The following PLEKHG4 variants were observed in gnomAD, a reference collection of about 807,000 sequenced individuals.
PLEKHG4 encodes pleckstrin homology and RhoGEF domain containing G4, also known as puratrophin-1.
PLEKHG4 carries 85 observed loss-of-function variants against 136.9 expected under a neutral mutation model. That is an observed-to-expected ratio of 0.62 (90% CI 0.52 to 0.74). The LOEUF (loss-of-function observed/expected upper bound fraction) is 0.74. Ranked by LOEUF, PLEKHG4 falls within the 30% of genes least tolerant of loss-of-function variation. The pLI, the probability that PLEKHG4 is intolerant of heterozygous loss-of-function variation, is 0.00. For synonymous variants in PLEKHG4, 577 were observed against 646.9 expected (o/e 0.89, Z 1.64); for missense variants, 1,317 against 1,527.8 (o/e 0.86, Z 2.30).
Position 67,286,565 on chromosome 16 carries a change from A to G in PLEKHG4, c.2653A>G (p.Thr885Ala), listed in dbSNP as rs376441239. 5 of 1,563,742 alleles carry G rather than the reference A, an allele frequency of 3.2e-6. No homozygotes were observed. The highest frequency in any genetic ancestry group is 4.3e-6 in the Non-Finnish European group (5 of 1,153,184). The change falls in exon 16 of 22, where the codon ACG becomes GCG. Residue 885 changes from threonine to alanine, a missense_variant. By Grantham distance (58) the Thr-to-Ala change is moderately conservative. Transcript: ENST00000379344. ...QELARACGGP[T>A]QELSALREAQ... Reference sequence around the variant, plus strand: ...GCTGGCACGGGCCTGCGGGGGCCCCACGCAGGAGCTCAGTGCGCTGCGGGA... The same window carrying G: ...GCTGGCACGGGCCTGCGGGGGCCCCGCGCAGGAGCTCAGTGCGCTGCGGGA...
At position 67,284,312 on chromosome 16, in the gene PLEKHG4, T is replaced by C; in HGVS notation, c.1547T>C (p.Leu516Pro). 2 of 1,613,982 alleles carry C rather than the reference T, an allele frequency of 1.2e-6. No homozygotes were observed. Among genetic ancestry groups the C allele is most frequent in the South Asian group, 1.1e-5 (1 of 91,068 alleles). ...CAAGGGGAGAAGTTTCTGCAGCCGCTGACTGGCTGGGAGGCGGCTGAACTG... is the reference window on the plus strand; with the variant it reads ...CAAGGGGAGAAGTTTCTGCAGCCGCCGACTGGCTGGGAGGCGGCTGAACTG... Reference protein sequence around the residue: ...VRQGEKFLQPLTGWEAAELDP... With the variant: ...VRQGEKFLQPPTGWEAAELDP... The change falls in exon 12 of 22, where the codon CTG becomes CCG. Residue 516 changes from leucine to proline, a missense_variant. Transcript: ENST00000379344. This position sits in a 1 kb window ranked among gnomAD's most constrained non-coding sequence, Gnocchi z 4.4.
At chr16:67,281,688 C>A in intron 6 of PLEKHG4, 36 bp from the exon 7 acceptor site, 1 of 1,613,284 alleles carries the variant, frequency 6.2e-7, no homozygotes, top group Non-Finnish European at 8.5e-7. Flanking sequence ...GGTGCCTCCC[C>A]CCAGGCCTGG....
In PLEKHG4 at chr16:67,282,080, G is replaced by A; in HGVS notation, c.1077G>A (p.Lys359=). The A allele has an allele frequency of 1.2e-6, 2 of 1,613,660 alleles. No homozygotes were observed. The highest frequency in any genetic ancestry group is 2.2e-5 in the South Asian group (2 of 91,090). The change falls in exon 8 of 22, where the codon AAG becomes AAA. Residue 359 remains lysine, a synonymous_variant. Transcript: ENST00000379344. ...TCCAGGGGGCCATCGAAAGTGTGAA[G>A]GCTGTGCCCCAGCCCATGGAGCCTG... The part of the protein sequence containing the change: ...ALLQGAIESV[K]AVPQPMEPGE...
rs368100292 is a variant in PLEKHG4 at position 67,288,012 on chromosome 16, G to A, written c.3218G>A (p.Arg1073Gln). 2.2e-5 allele frequency: 36 copies of A among 1,605,986 alleles called. No individual in the cohort carries two copies. Among genetic ancestry groups the A allele is most frequent in the Admixed American group, 6.7e-5 (4 of 59,982 alleles). The change falls in exon 19 of 22, where the codon CGA (arginine) becomes CAA (glutamine). Residue 1073 changes from arginine (R) to glutamine (Q), a missense_variant and splice_region_variant. Physicochemically the swap from Arg to Gln is conservative, Grantham distance 43. Coordinates refer to ENST00000379344, the MANE Select transcript of PLEKHG4 (RefSeq NM_001129729.3). The stretch of plus-strand genomic sequence containing the variant: ...ACCGTCAACTATGTCCTGAAGTGCC[G>A]AGGTAGCAGGCAGGCTACAGGGTGT... The part of the protein sequence containing the change: ...DRTVNYVLKC[R>Q]EVRSRASIAV...
In PLEKHG4 at chr16:67,284,450, T is replaced by C. The variant is rs2036370920; in HGVS notation, c.1685T>C (p.Phe562Ser). The C allele has an allele frequency of 6.2e-7, 1 of 1,613,854 alleles. No homozygotes were observed. Among genetic ancestry groups the C allele is most frequent in the Non-Finnish European group, 8.5e-7 (1 of 1,179,920 alleles). The change falls in exon 12 of 22, where the codon TTC becomes TCC. Residue 562 changes from phenylalanine (F) to serine (S), a missense_variant. Coordinates refer to ENST00000379344, the MANE Select transcript of PLEKHG4 (RefSeq NM_001129729.3). This position sits in a 1 kb window ranked among gnomAD's most constrained non-coding sequence, Gnocchi z 4.4. ...GATGCTGAGAGGCTGTTTCAGCTCT[T>C]CAGGGAGGTGGGTGAGAGTCTCCCC... ...LADAERLFQLFREALTWAEEG... is the reference protein window; with the variant it reads ...LADAERLFQLSREALTWAEEG...
chr16:67,289,020 C>A lies in PLEKHG4; in HGVS notation c.*212C>A. ...AGTCTGGTTGTAGAGCCTGAATAGG[C>A]TCCTGGCCCCATGACCCCTTCTCCT... On this transcript the variant is annotated 3_prime_UTR_variant, in exon 22 of 22. Coordinates refer to ENST00000379344, the MANE Select transcript of PLEKHG4 (RefSeq NM_001129729.3). The A allele has an allele frequency of 1.5e-6, 1 of 659,424 alleles. No individual in the cohort carries two copies. The allele number at this position is 659,424 out of a possible 1,614,324, so 40.8% of individuals were successfully genotyped here.
rs1047303140 is a variant in PLEKHG4, at chr16:67,285,339, C to T, written c.2245C>T (p.Arg749Trp). Residue 749 changes from arginine to tryptophan, a missense_variant, in exon 14 of 22, where the codon CGG becomes TGG. Physicochemically the swap from Arg to Trp is moderately radical, Grantham distance 101 (BLOSUM62 -3). Transcript: ENST00000379344. ...GGTGGCCACGGAGCGGGAGTATGTC[C>T]GGGCTCTAGAGTACACTATGGAGAA... ...EMVATEREYV[R>W]ALEYTMENYF... 13 of 1,614,038 alleles carry T rather than the reference C, an allele frequency of 8.1e-6. No homozygotes were observed. The highest frequency in any genetic ancestry group is 8.0e-5 in the African/African-American group (6 of 74,924).
In PLEKHG4 at chr16:67,282,530, A is replaced by T; in HGVS notation, c.1281A>T (p.Leu427=). 1.2e-6 allele frequency: 2 copies of T among 1,614,148 alleles called. No individual in the cohort carries two copies. The highest frequency in any genetic ancestry group is 1.7e-6 in the Non-Finnish European group (2 of 1,180,040). Reference sequence around the variant, plus strand: ...CGGCAATGGACAAGGCTGACGAGCTATATGACCGGGTGGATGGATTGCTGC... The same window carrying T: ...CGGCAATGGACAAGGCTGACGAGCTTTATGACCGGGTGGATGGATTGCTGC... ...YRTAMDKADE[L]YDRVDGLLHQ... The change falls in exon 10 of 22, where the codon CTA becomes CTT. Residue 427 remains leucine, a synonymous_variant. Transcript: ENST00000379344.
Position 67,282,292 on chromosome 16 carries a change from G to C in PLEKHG4, c.1196G>C (p.Arg399Pro). 1 of 1,613,182 alleles carries C rather than the reference G, an allele frequency of 6.2e-7. No homozygotes were observed. Among genetic ancestry groups the C allele is most frequent in the African/African-American group, 1.3e-5 (1 of 75,056 alleles). ...WLAWLQCQGG[R>P]ELTWLKQEVP... is the part of the protein sequence containing the mutation. ...GCATGGCTACAATGCCAGGGGGGCC[G>C]GGAGCTGACATGGCTGAAGCAAGAG... is the stretch of plus-strand genomic sequence containing the variant. The change falls in exon 9 of 22, where the codon CGG (arginine) becomes CCG (proline). Residue 399 changes from arginine (R) to proline (P), a missense_variant. Coordinates refer to ENST00000379344, the MANE Select transcript of PLEKHG4 (RefSeq NM_001129729.3).
In PLEKHG4 at chr16:67,284,315, C is replaced by A. The variant is rs2036359874; in HGVS notation, c.1550C>A (p.Thr517Asn). 2 of 1,613,810 alleles carry A rather than the reference C, an allele frequency of 1.2e-6. No homozygotes were observed. The highest frequency in any genetic ancestry group is 1.7e-5 in the Admixed American group (1 of 59,974). ...RQGEKFLQPL[T>N]GWEAAELDPP... ...GGGGAGAAGTTTCTGCAGCCGCTGA[C>A]TGGCTGGGAGGCGGCTGAACTGGAC... is the stretch of plus-strand genomic sequence containing the variant. Residue 517 changes from threonine (T) to asparagine (N), a missense_variant, in exon 12 of 22, where the codon ACT becomes AAT. Physicochemically the swap from Thr to Asn is moderately conservative, Grantham distance 65 (BLOSUM62 0). Coordinates refer to ENST00000379344, the MANE Select transcript of PLEKHG4 (RefSeq NM_001129729.3). This position sits in a 1 kb window ranked among gnomAD's most constrained non-coding sequence, Gnocchi z 4.4.
In PLEKHG4 at chr16:67,288,337, C is replaced by T. The variant is rs868747159; in HGVS notation, c.3391C>T (p.Pro1131Ser). Residue 1131 changes from proline to serine, a missense_variant, in exon 20 of 22, where the codon CCC (proline) becomes TCC (serine). Transcript: ENST00000379344. ...ALLGLRCPLYPSFPEEAALEA... is the reference protein window; with the variant it reads ...ALLGLRCPLYSSFPEEAALEA... ...TCTGGGTCTCCGCTGTCCCCTGTAT[C>T]CCAGCTTCCCAGAGGAAGCAGCACT... The T allele has an allele frequency of 1.2e-6, 2 of 1,612,010 alleles. No homozygotes were observed. The highest frequency in any genetic ancestry group is 2.2e-5 in the East Asian group (1 of 44,882).
At chr16:67,288,630 C>T in intron 21 of PLEKHG4, 26 bp downstream of exon 21, 2 of 1,613,084 alleles carry the variant, frequency 1.2e-6, no homozygotes, top group Middle Eastern at 1.7e-4. Context: ...CCTATACCCA[C>T]CAGCCCTTCC....
At chr16:67,281,306 C>T in intron 5 of PLEKHG4, 122 bp downstream of exon 5, 3 of 790,280 alleles carry the variant, frequency 3.8e-6, no homozygotes. Context: ...TCACTGCAAA[C>T]TCTATCTCCC....
Position 67,289,432 on chromosome 16 carries a change from T to C in PLEKHG4, c.*624T>C. 1 of 544,080 alleles carries C rather than the reference T, an allele frequency of 1.8e-6. No homozygotes were observed. 33.7% of individuals were successfully genotyped at this position (544,080 alleles called of 1,614,324 possible). A position where few individuals can be genotyped will look rare whatever the true frequency, so the allele number is the denominator to read the frequency against. ...AGAGAAGGAGTCTAGGTCTTTGATG[T>C]GTGATTTAATCTTTTATTTGTTTAT... On this transcript the variant is annotated 3_prime_UTR_variant, in exon 22 of 22. Transcript: ENST00000379344.
In PLEKHG4 at chr16:67,285,389, C is replaced by T. The variant is rs772983718; in HGVS notation, c.2295C>T (p.Pro765=). ...MENYFPELDR[P]DVPQGLRGQR... ...ACTATTTCCCCGAGCTGGATCGCCC[C>T]GATGTGCCCCAGGGCCTCCGCGGTC... The change falls in exon 14 of 22, where the codon CCC becomes CCT. Residue 765 remains proline, a synonymous_variant. Transcript: ENST00000379344. 19 of 1,614,102 alleles carry T rather than the reference C, an allele frequency of 1.2e-5. No homozygotes were observed. The highest frequency in any genetic ancestry group is 9.9e-5 in the South Asian group (9 of 91,090).
chr16:67,286,328 G>T lies in PLEKHG4; in HGVS notation c.2497G>T (p.Ala833Ser), dbSNP rs146441861. 104 of 1,613,990 alleles carry T rather than the reference G, an allele frequency of 6.4e-5. 1 individual carries two copies. In the African/African-American group the frequency reaches 1.1e-3, roughly 18 times the overall value. Residue 833 changes from alanine (A) to serine (S), a missense_variant, in exon 15 of 22, where the codon GCC becomes TCC. By Grantham distance (99) the Ala-to-Ser change is moderately conservative (BLOSUM62 1). Transcript: ENST00000379344. ...LYSKNKPRSDALMSSYGHTFF... is the reference protein window; with the variant it reads ...LYSKNKPRSDSLMSSYGHTFF... ...CAGCAAGAATAAGCCTCGCTCCGAT[G>T]CCCTGATGTCAAGCTATGGGCACAC...
At chr16:67,281,211 A>G (rs750158478) in intron 5 of PLEKHG4, 27 bp downstream of exon 5, 4 of 1,396,402 alleles carry the variant, frequency 2.9e-6, no homozygotes, top group East Asian at 2.3e-5. Flanking sequence ...AGCTCCCCTC[A>G]TTCCTTTTCT....
Position 67,284,371 on chromosome 16 carries a change from G to T in PLEKHG4, c.1606G>T (p.Ala536Ser). The change falls in exon 12 of 22, where the codon GCC (alanine) becomes TCC (serine). Residue 536 changes from alanine to serine, a missense_variant. Physicochemically the swap from Ala to Ser is moderately conservative, Grantham distance 99. Coordinates refer to ENST00000379344, the MANE Select transcript of PLEKHG4 (RefSeq NM_001129729.3). This position sits in a 1 kb window ranked among gnomAD's most constrained non-coding sequence, Gnocchi z 4.4. ...PPGARFLALR[A>S]QLTEFSRALA... is the part of the protein sequence containing the mutation. Reference sequence around the variant, plus strand: ...TGGGGCACGCTTTCTGGCCCTGCGAGCCCAGCTGACTGAATTCTCTAGGGC... The same window carrying T: ...TGGGGCACGCTTTCTGGCCCTGCGATCCCAGCTGACTGAATTCTCTAGGGC... 7 of 1,614,048 alleles carry T rather than the reference G, an allele frequency of 4.3e-6. No individual in the cohort carries two copies. Among genetic ancestry groups the T allele is most frequent in the Non-Finnish European group, 5.9e-6 (7 of 1,179,978 alleles).
Position 67,289,460 on chromosome 16 carries a change from T to TA in PLEKHG4, c.*658dup, listed in dbSNP as rs2036640491. On this transcript the variant is annotated 3_prime_UTR_variant, in exon 22 of 22. Coordinates refer to ENST00000379344, the MANE Select transcript of PLEKHG4 (RefSeq NM_001129729.3). ...GATTTAATCTTTTATTTGTTTATAA[T>TA]AAAAAATAGACTGATATGTACCCTC... The TA allele has an allele frequency of 1.7e-6, 1 of 596,050 alleles. No homozygotes were observed. Among genetic ancestry groups the TA allele is most frequent in the Non-Finnish European group, 3.0e-6 (1 of 333,744 alleles). 36.9% of individuals were successfully genotyped at this position (596,050 alleles called of 1,614,324 possible). A position where few individuals can be genotyped will look rare whatever the true frequency, so the allele number is the denominator to read the frequency against.
Sources: gnomAD v4.1 joint callset for allele counts on GRCh38, gnomAD v4.1.1 for gene constraint, Gnocchi (gnomAD v3.1) non-coding constraint, MANE v1.5 for transcripts, NCBI Gene and HGNC (gene_info 2026-07-23, HGNC 2026-07-21) for gene names.